Variants in LPIN2 observed in about 807,000 individuals in gnomAD.
The protein encoded by LPIN2 is lipin 2, also known as phosphatidate phosphatase LPIN2.
LPIN2 carries 55 observed loss-of-function variants against 111.4 expected under a neutral mutation model. The ratio of observed to expected loss-of-function variants is 0.49; its 90% CI spans 0.40 to 0.62. LPIN2 has a LOEUF of 0.62. Among genes scored for constraint, LPIN2 ranks in the 20% least tolerant of loss-of-function variants. The pLI is 0.00. For missense variants in LPIN2, 992 were observed against 1,112.1 expected (o/e 0.89, Z 1.54); for synonymous variants, 425 against 414.0 (o/e 1.03, Z -0.32).
In LPIN2 at chr18:2,996,467, C is replaced by CTT. The variant is rs1179106649; in HGVS notation, c.-10+16618_-10+16619dup. Among the ~76,000 whole-genome samples, 57 of 84,990 alleles carry CTT rather than the reference C, an allele frequency of 6.7e-4. 4 individuals carry two copies. Among genetic ancestry groups the CTT allele is most frequent in the South Asian group, 1.4e-3 (3 of 2,208 alleles). 55.8% of individuals were successfully genotyped at this position (84,990 alleles called of 152,430 possible). ...ACATGCTTACCTCCCAGGAAAATAT[C>CTT]TTTTTTTTTTTTTTTTTTTTTTTTT... On this transcript the variant is annotated intron_variant, in intron 1 of 19. Transcript: ENST00000677752.
intron 2 of LPIN2, among the ~76,000 whole-genome samples, chr18:2,955,167 C>G (rs1266607197): frequency 6.6e-6 from 1 of 152,188 alleles, no homozygotes; most frequent in Admixed American, 6.5e-5. Flanking sequence ...TTCAGGTAGA[C>G]ATATGCGTTG....
chr18:2,923,087 C>G (rs2077078963), intron 16 of LPIN2, among the ~76,000 whole-genome samples: 2 of 152,154 alleles, frequency 1.3e-5, no homozygotes, highest in Non-Finnish European at 2.9e-5. Flanking sequence ...CATGCAAGAA[C>G]TATTTCCCTC....
chr18:2,927,262 A>C (rs2077147520), intron 12 of LPIN2, among the ~76,000 whole-genome samples: 1 of 152,144 alleles, frequency 6.6e-6, no homozygotes, highest in African/African-American at 2.4e-5. Context: ...TTGGGGAAAA[A>C]AAGACTTGCT....
intron 1 of LPIN2, among the ~76,000 whole-genome samples, chr18:3,000,754 G>A (rs565393337): frequency 3.2e-4 from 49 of 152,282 alleles, no homozygotes; most frequent in African/African-American, 1.1e-3. Flanking sequence ...TCTAAGTAAC[G>A]AAACAAGGCC....
At position 2,919,853 on chromosome 18, in the gene LPIN2, C is replaced by A; in HGVS notation, c.*440G>T. The A allele has an allele frequency of 4.2e-6, 1 of 237,352 alleles. No individual in the cohort carries two copies. The highest frequency in any genetic ancestry group is 5.7e-5 in the South Asian group (1 of 17,662). 14.7% of individuals were successfully genotyped at this position (237,352 alleles called of 1,614,324 possible). A position where few individuals can be genotyped will look rare whatever the true frequency, so the allele number is the denominator to read the frequency against. On this transcript the variant is annotated 3_prime_UTR_variant, in exon 20 of 20. Transcript: ENST00000677752. Reference sequence around the variant, plus strand: ...CTTCAGCCAGCATCACTGACTGGGCCCGCAGCAGTTCAGGGACCCTGACAT... The same window carrying A: ...CTTCAGCCAGCATCACTGACTGGGCACGCAGCAGTTCAGGGACCCTGACAT...
intron 4 of LPIN2, among the ~76,000 whole-genome samples, chr18:2,941,345 G>A (rs1017274901): frequency 6.6e-6 from 1 of 152,194 alleles, no homozygotes; most frequent in South Asian, 2.1e-4. Context: ...GAGATGTGAA[G>A]ATGATACCAA....
intron 7 of LPIN2, 120 bp downstream of exon 7, chr18:2,937,565 AAAAAAAG>A: frequency 2.9e-5 from 21 of 721,440 alleles, no homozygotes; most frequent in African/African-American, 3.6e-5. Context: ...AAAAAAAAAA[AAAAAAAG>A]TGCGACGGGT....
chr18:2,938,090 A>G lies in LPIN2; in HGVS notation c.823-53T>C, dbSNP rs2077316452. On this transcript the variant is annotated intron_variant, in intron 6 of 19. Coordinates refer to ENST00000677752, the MANE Select transcript of LPIN2 (RefSeq NM_001375808.2). ...AAACTACTTTCAGAGTATTTGTTATAATCTATTTCCTAAGCTGGCAATGTG... is the reference window on the plus strand; with the variant it reads ...AAACTACTTTCAGAGTATTTGTTATGATCTATTTCCTAAGCTGGCAATGTG... 1.8e-5 allele frequency: 25 copies of G among 1,382,618 alleles called. 1 individual carries two copies. In the South Asian group the frequency reaches 2.8e-4, roughly 15 times the overall value. The allele number at this position is 1,382,618 out of a possible 1,614,324, so 85.6% of individuals were successfully genotyped here.
intron 19 of LPIN2, 137 bp from the exon 20 acceptor site, chr18:2,920,574 G>T: frequency 1.0e-6 from 1 of 952,496 alleles, no homozygotes; most frequent in Non-Finnish European, 1.7e-6. Flanking sequence ...CCATCACAGG[G>T]CTCAAACTCC....
chr18:2,971,737 C>T (rs1238991262), intron 1 of LPIN2, among the ~76,000 whole-genome samples: 1 of 121,074 alleles, frequency 8.3e-6, no homozygotes, highest in East Asian at 2.4e-4. Context: ...ATACATATAA[C>T]CATGCACTGG....
At chr18:2,951,650 C>G (rs2077539453) in intron 3 of LPIN2, among the ~76,000 whole-genome samples, 1 of 152,112 alleles carries the variant, frequency 6.6e-6, no homozygotes, top group Non-Finnish European at 1.5e-5. Context: ...AAAGCTAAGC[C>G]TATTAAATTC....
At chr18:2,949,154 A>T (rs638199) in intron 4 of LPIN2, among the ~76,000 whole-genome samples, 140,142 of 152,268 alleles carry the variant, frequency 0.92, 65,105 homozygotes, top group East Asian at 1. Context: ...AAAGTAAAAA[A>T]TCTCATACTT....
chr18:2,919,676 A>G lies in LPIN2; in HGVS notation c.*617T>C, dbSNP rs191904598. On this transcript the variant is annotated 3_prime_UTR_variant, in exon 20 of 20. Transcript: ENST00000677752. ...GGATGCTCTGTGGGGATCTTTCCCCAAAGAGGGCCAGGTTTATGGGACTGG... is the reference window on the plus strand; with the variant it reads ...GGATGCTCTGTGGGGATCTTTCCCCGAAGAGGGCCAGGTTTATGGGACTGG... 1 of 159,026 alleles carries G rather than the reference A, an allele frequency of 6.3e-6. No individual in the cohort carries two copies. Among genetic ancestry groups the G allele is most frequent in the East Asian group, 1.9e-4 (1 of 5,342 alleles). The allele number at this position is 159,026 out of a possible 1,614,324, so 9.9% of individuals were successfully genotyped here. A position where few individuals can be genotyped will look rare whatever the true frequency, so the allele number is the denominator to read the frequency against.
intron 18 of LPIN2, 120 bp downstream of exon 18, chr18:2,921,413 G>C: frequency 2.6e-6 from 2 of 783,890 alleles, no homozygotes. Context: ...CGAACAAGCA[G>C]AACAGATGCC....
chr18:3,010,652 TA>T (rs1366541469), intron 1 of LPIN2, among the ~76,000 whole-genome samples: 1 of 152,182 alleles, frequency 6.6e-6, no homozygotes, highest in African/African-American at 2.4e-5. Flanking sequence ...TGGAAAGACT[TA>T]AATCAGACTT....
chr18:3,006,927 G>A (rs1199756071), intron 1 of LPIN2, among the ~76,000 whole-genome samples: 1 of 151,882 alleles, frequency 6.6e-6, no homozygotes, highest in Non-Finnish European at 1.5e-5. Context: ...TTGGGCTGGG[G>A]AGGTCAAGGC....
intron 1 of LPIN2, among the ~76,000 whole-genome samples, chr18:2,975,457 C>G (rs2077996462): frequency 6.6e-6 from 1 of 152,180 alleles, no homozygotes; most frequent in Non-Finnish European, 1.5e-5. Context: ...GCCTCAGCCT[C>G]TCGAGTAGCC....
At chr18:2,982,466 T>C (rs891080156) in intron 1 of LPIN2, among the ~76,000 whole-genome samples, 6 of 152,192 alleles carry the variant, frequency 3.9e-5, no homozygotes, top group African/African-American at 9.6e-5. Flanking sequence ...AAAGATGGCA[T>C]AGTAAATGCA....
At chr18:2,974,890 G>A (rs1202608773) in intron 1 of LPIN2, among the ~76,000 whole-genome samples, 1 of 152,172 alleles carries the variant, frequency 6.6e-6, no homozygotes, top group South Asian at 2.1e-4. Context: ...CAGCTACTCC[G>A]GAGGCTGAGG....
Sources: gnomAD v4.1 joint callset for allele counts (sites outside exome capture counted in the v4.1 genomes callset) on GRCh38, gnomAD v4.1.1 for gene constraint, MANE v1.5 for transcripts, NCBI Gene and HGNC (gene_info 2026-07-23, HGNC 2026-07-21) for gene names.